Variants in ATP2B4 observed in about 807,000 individuals in gnomAD.
ATP2B4 encodes ATPase plasma membrane Ca2+ transporting 4, also known as plasma membrane calcium-transporting ATPase 4.
A neutral mutation model predicts 110.3 loss-of-function variants in ATP2B4; 39 were observed. The observed-to-expected ratio is 0.35, with a 90% CI of 0.27 to 0.46. ATP2B4 has a LOEUF of 0.46. ATP2B4 is among the 20% of genes least tolerant of loss of function. ATP2B4 has a pLI of 1.00. For synonymous variants in ATP2B4, 538 were observed against 571.7 expected, an observed-to-expected ratio of 0.94 and a Z score of 0.84; for missense variants, 1,135 against 1,530.9, an observed-to-expected ratio of 0.74 and a Z score of 4.32.
chr1:203,676,039 G>A (rs763906204), intron 1 of ATP2B4, among the ~76,000 whole-genome samples: 7 of 152,168 alleles, frequency 4.6e-5, no homozygotes, highest in Non-Finnish European at 5.9e-5. Flanking sequence ...TCCCTGACCA[G>A]GCCATGGTAT....
At position 203,724,865 on chromosome 1, in the gene ATP2B4, CTGTTTTTTTTTTT is replaced by C; in HGVS notation, c.3132+879_3132+891del. Among the ~76,000 whole-genome samples the C allele has an allele frequency of 2.0e-5, 2 of 101,496 alleles. 1 individual carries two copies. The highest frequency in any genetic ancestry group is 6.3e-4 in the East Asian group (2 of 3,196). The allele number at this position is 101,496 out of a possible 152,430, so 66.6% of individuals were successfully genotyped here. A position where few individuals can be genotyped will look rare whatever the true frequency, so the allele number is the denominator to read the frequency against. Reference sequence around the variant, plus strand: ...ACTGCCTGGGTTTGAATCCAGCTCTCTGTTTTTTTTTTTTTTTTTTTTTTTTTCTGAGACAGAG... The same window carrying C: ...ACTGCCTGGGTTTGAATCCAGCTCTCTTTTTTTTTTTTTTCTGAGACAGAG... On this transcript the variant is annotated intron_variant, in intron 19 of 20. Coordinates refer to ENST00000357681, the MANE Select transcript of ATP2B4 (RefSeq NM_001684.5).
At chr1:203,641,848 G>T (rs1360550376) in intron 1 of ATP2B4, among the ~76,000 whole-genome samples, 1 of 152,146 alleles carries the variant, frequency 6.6e-6, no homozygotes, top group African/African-American at 2.4e-5. Flanking sequence ...TGAGAGCAAT[G>T]GTCTTCGCCT....
At chr1:203,673,826 C>G (rs1424934567) in intron 1 of ATP2B4, among the ~76,000 whole-genome samples, 1 of 152,160 alleles carries the variant, frequency 6.6e-6, no homozygotes, top group South Asian at 2.1e-4. Context: ...TCCCCCTTGT[C>G]CTGAGGACTC....
intron 15 of ATP2B4, among the ~76,000 whole-genome samples, chr1:203,715,426 G>A (rs1468858420): frequency 7.2e-6 from 1 of 139,852 alleles, no homozygotes; most frequent in Admixed American, 7.2e-5. Flanking sequence ...GATGGTAGGC[G>A]CCTGTAATCC....
At chr1:203,681,592 G>A (rs1191962207) in intron 1 of ATP2B4, among the ~76,000 whole-genome samples, 6 of 152,060 alleles carry the variant, frequency 3.9e-5, no homozygotes, top group African/African-American at 1.4e-4. Context: ...GACACACAGC[G>A]GCCCCACTCT....
intron 1 of ATP2B4, among the ~76,000 whole-genome samples, chr1:203,634,050 CAAA>C (rs923813000): frequency 6.6e-6 from 1 of 151,622 alleles, no homozygotes; most frequent in African/African-American, 2.4e-5. Context: ...AACTCCGTCT[CAAA>C]AAAAATTTTT....
chr1:203,726,861 T>C (rs1666535731), intron 19 of ATP2B4, among the ~76,000 whole-genome samples: 1 of 152,208 alleles, frequency 6.6e-6, no homozygotes, highest in African/African-American at 2.4e-5. Flanking sequence ...AAGAAAACTT[T>C]TGGTATCCTT....
At chr1:203,713,466 T>TTG (rs1186505507) in intron 14 of ATP2B4, among the ~76,000 whole-genome samples, 1 of 152,116 alleles carries the variant, frequency 6.6e-6, no homozygotes, top group African/African-American at 2.4e-5. Flanking sequence ...TTTTTTTATT[T>TTG]TTTGTTTTTA....
Position 203,700,885 on chromosome 1 carries a change from G to A in ATP2B4, c.863G>A (p.Gly288Glu), listed in dbSNP as rs142206068. 1.2e-6 allele frequency: 2 copies of A among 1,613,602 alleles called. No individual in the cohort carries two copies. Among genetic ancestry groups the A allele is most frequent in the South Asian group, 2.2e-5 (2 of 91,052 alleles). The stretch of plus-strand genomic sequence containing the variant: ...ACTGGAATCATCCTTACTCTCTTGG[G>A]GGTCAATGAGGATGACGAAGGGGAG... ...SQTGIILTLL[G>E]VNEDDEGEKK... The change falls in exon 6 of 21, where the codon GGG (glycine) becomes GAG (glutamate). Residue 288 changes from glycine (G) to glutamate (E), a missense_variant. Physicochemically the swap from Gly to Glu is moderately conservative, Grantham distance 98. Coordinates refer to ENST00000357681, the MANE Select transcript of ATP2B4 (RefSeq NM_001684.5).
In ATP2B4 at chr1:203,721,397, C is replaced by G; in HGVS notation, c.2799C>G (p.Ile933Met). 1 of 1,614,052 alleles carries G rather than the reference C, an allele frequency of 6.2e-7. No individual in the cohort carries two copies. Among genetic ancestry groups the G allele is most frequent in the Non-Finnish European group, 8.5e-7 (1 of 1,180,002 alleles). Residue 933 changes from isoleucine to methionine, a missense_variant, in exon 17 of 21, where the codon ATC (isoleucine) becomes ATG (methionine). Ile to Met is a conservative substitution (Grantham distance 10). Transcript: ENST00000357681. ...TCTATCAGCTCATTGTCATCTTTATCCTTGTCTTTGCGGGTGAGCCACTTT... is the reference window on the plus strand; with the variant it reads ...TCTATCAGCTCATTGTCATCTTTATGCTTGTCTTTGCGGGTGAGCCACTTT... ...HAFYQLIVIF[I>M]LVFAGEKFFD...
In ATP2B4 at chr1:203,739,916, T is replaced by G. The variant is rs1666964227; in HGVS notation, c.*62T>G. ...TTTCCATTTTCGTCTATCCCATCTA[T>G]GAGGTGATGATGGGACTTTTCATTG... On this transcript the variant is annotated 3_prime_UTR_variant, in exon 21 of 21. Transcript: ENST00000357681. 4.6e-6 allele frequency: 7 copies of G among 1,516,794 alleles called. No homozygotes were observed. The highest frequency in any genetic ancestry group is 6.2e-6 in the Non-Finnish European group (7 of 1,121,806). 94.0% of individuals were successfully genotyped at this position (1,516,794 alleles called of 1,614,324 possible).
intron 1 of ATP2B4, among the ~76,000 whole-genome samples, chr1:203,650,448 A>T (rs907467701): frequency 2.6e-5 from 4 of 152,240 alleles, no homozygotes; most frequent in South Asian, 4.1e-4. Context: ...GCCCCCTCTG[A>T]GCAATCGCTG....
chr1:203,714,314 C>T (rs377177527), intron 15 of ATP2B4, 37 bp downstream of exon 15: 20 of 1,608,748 alleles, frequency 1.2e-5, no homozygotes, highest in Non-Finnish European at 1.4e-5. Context: ...TTGCAAGCTG[C>T]CTTCTCCATC....
At chr1:203,725,566 C>T (rs1266858425) in intron 19 of ATP2B4, among the ~76,000 whole-genome samples, 3 of 152,204 alleles carry the variant, frequency 2.0e-5, no homozygotes. Flanking sequence ...AGTTACTATA[C>T]AGTAATGAAT....
chr1:203,676,154 G>A (rs1239786132), intron 1 of ATP2B4, among the ~76,000 whole-genome samples: 1 of 152,250 alleles, frequency 6.6e-6, no homozygotes, highest in African/African-American at 2.4e-5. Flanking sequence ...GGTCCCACCC[G>A]CCACCTGAAC....
At chr1:203,648,971 A>G (rs748965636) in intron 1 of ATP2B4, among the ~76,000 whole-genome samples, 1 of 152,178 alleles carries the variant, frequency 6.6e-6, no homozygotes, top group Non-Finnish European at 1.5e-5. Context: ...TCCTTAAAAT[A>G]TCAGATAATA....
intron 1 of ATP2B4, among the ~76,000 whole-genome samples, chr1:203,662,312 C>T (rs1248114778): frequency 6.6e-6 from 1 of 152,184 alleles, no homozygotes; most frequent in Non-Finnish European, 1.5e-5. Flanking sequence ...AGGCATGAGC[C>T]ACCGCTCCCA....
intron 19 of ATP2B4, among the ~76,000 whole-genome samples, chr1:203,726,167 C>T (rs1016366427): frequency 6.6e-6 from 1 of 151,566 alleles, no homozygotes; most frequent in African/African-American, 2.4e-5. Context: ...ACCCGGGAGG[C>T]GGAGTGCAAT....
rs764503410 is a variant in ATP2B4, at chr1:203,739,537, CT to C, written c.3310-8del. ...TTTTCTCATCCTCCTTTTCCTTCCC[CT>C]GGTATAGATCAAAGTGGTCAAAGCG... On this transcript the variant is annotated splice_region_variant and splice_polypyrimidine_tract_variant and intron_variant, in intron 20 of 20. Coordinates refer to ENST00000357681, the MANE Select transcript of ATP2B4 (RefSeq NM_001684.5). 11 of 1,610,754 alleles carry C rather than the reference CT, an allele frequency of 6.8e-6. No individual in the cohort carries two copies. The East Asian group carries it at 2.2e-4, about 33-fold the overall frequency.
Sources: gnomAD v4.1 joint callset for allele counts (sites outside exome capture counted in the v4.1 genomes callset) on GRCh38, gnomAD v4.1.1 for gene constraint, MANE v1.5 for transcripts, NCBI Gene and HGNC (gene_info 2026-07-23, HGNC 2026-07-21) for gene names.